Variants in NRROS observed in about 807,000 individuals in gnomAD.
The protein encoded by NRROS is transforming growth factor beta activator LRRC33.
NRROS carries 6 observed loss-of-function variants against 12.0 expected under a neutral mutation model. That is an observed-to-expected ratio of 0.50 (90% CI 0.27 to 0.98). The LOEUF is 0.98. NRROS is among the 50% of genes least tolerant of loss of function. The probability of loss-of-function intolerance (pLI) is 0.11; values close to 1 mark genes in which losing one functional copy is unlikely to be tolerated. For synonymous variants in NRROS, 462 were observed against 410.2 expected (o/e 1.13, Z -1.53); for missense variants, 857 against 888.2 (o/e 0.96, Z 0.45).
chr3:196,654,676 G>C lies in NRROS; in HGVS notation c.108+29G>C. ...AGTTTCCCTTGAACCCTGATCTGTC[G>C]GCTGCTCCTGTCCTGACAAGGCTTG... On this transcript the variant is annotated intron_variant, in intron 2 of 2. Transcript: ENST00000328557. This position sits in a 1 kb window ranked among gnomAD's most constrained non-coding sequence, Gnocchi z 4.4. 1 of 1,364,766 alleles carries C rather than the reference G, an allele frequency of 7.3e-7. No homozygotes were observed. Among genetic ancestry groups the C allele is most frequent in the South Asian group, 1.2e-5 (1 of 83,086 alleles). 84.5% of individuals were successfully genotyped at this position (1,364,766 alleles called of 1,614,324 possible).
At position 196,661,240 on chromosome 3, in the gene NRROS, T is replaced by G. The variant is rs370662832; in HGVS notation, c.1597T>G (p.Ser533Ala). The G allele has an allele frequency of 3.7e-6, 6 of 1,614,016 alleles. No individual in the cohort carries two copies. The highest frequency in any genetic ancestry group is 4.2e-6 in the Non-Finnish European group (5 of 1,179,978). The change falls in exon 3 of 3, where the codon TCT (serine) becomes GCT (alanine). Residue 533 changes from serine to alanine, a missense_variant. Physicochemically the swap from Ser to Ala is moderately conservative, Grantham distance 99. Coordinates refer to ENST00000328557, the MANE Select transcript of NRROS (RefSeq NM_198565.3). ...CTCCAGCTTTATGGCGTTGGACTTC[T>G]CTGGGTTTGGGAATCTCAGGGACTT... ...LHSSFMALDF[S>A]GFGNLRDLDL...
intron 1 of NRROS, among the ~76,000 whole-genome samples, chr3:196,642,553 A>G (rs1490180178): frequency 1.3e-5 from 2 of 152,180 alleles, no homozygotes; most frequent in Non-Finnish European, 2.9e-5. Context: ...CATGAGTTCT[A>G]GCAACTGCCC....
intron 2 of NRROS, among the ~76,000 whole-genome samples, chr3:196,656,739 G>T (rs1737543423): frequency 6.6e-6 from 1 of 152,110 alleles, no homozygotes; most frequent in African/African-American, 2.4e-5. Flanking sequence ...CAGAGTTCAG[G>T]CAAGGCCCTC....
intron 2 of NRROS, among the ~76,000 whole-genome samples, chr3:196,655,225 A>G (rs1221241056): frequency 1.4e-5 from 2 of 143,640 alleles, no homozygotes; most frequent in Admixed American, 1.4e-4. Flanking sequence ...ATGGGGCCAG[A>G]CCTTGTCTTT....
At position 196,642,797 on chromosome 3, in the gene NRROS, C is replaced by T. The variant is rs377755375; in HGVS notation, c.-14+2922C>T. 7.9e-5 allele frequency among the ~76,000 whole-genome samples: 12 copies of T among 152,212 alleles called. No individual in the cohort carries two copies. In the East Asian group the frequency reaches 1.5e-3, roughly 20 times the overall value. ...GTTAAGATGGTCACTTTCGGCCGGG[C>T]GCGGTGGCTCATCCCTGTAATCCCA... is the stretch of plus-strand genomic sequence containing the variant. On this transcript the variant is annotated intron_variant, in intron 1 of 2. Transcript: ENST00000328557.
Position 196,654,748 on chromosome 3 carries a change from TGAA to T in NRROS, c.108+103_108+105del. 1.4e-6 allele frequency: 1 copy of T among 710,032 alleles called. No individual in the cohort carries two copies. The highest frequency in any genetic ancestry group is 2.4e-6 in the Non-Finnish European group (1 of 417,038). 44.0% of individuals were successfully genotyped at this position (710,032 alleles called of 1,614,324 possible). A position where few individuals can be genotyped will look rare whatever the true frequency, so the allele number is the denominator to read the frequency against. On this transcript the variant is annotated intron_variant, in intron 2 of 2. Coordinates refer to ENST00000328557, the MANE Select transcript of NRROS (RefSeq NM_198565.3). The surrounding 1 kb of genome is among the most constrained non-coding windows in gnomAD (Gnocchi z 4.4). ...ATTGTCCATCAGGAAGGGCAGAGAA[TGAA>T]GGAGCCTGCATCACTCTGTGCCTGC...
chr3:196,640,167 G>A (rs1737181436), intron 1 of NRROS, among the ~76,000 whole-genome samples: 1 of 152,242 alleles, frequency 6.6e-6, no homozygotes, highest in Admixed American at 6.5e-5. Flanking sequence ...GTGGGTTTGA[G>A]TCCTGGCTCT....
At position 196,654,490 on chromosome 3, in the gene NRROS, T is replaced by C; in HGVS notation, c.-13-37T>C. 1 of 1,240,278 alleles carries C rather than the reference T, an allele frequency of 8.1e-7. No individual in the cohort carries two copies. The highest frequency in any genetic ancestry group is 1.7e-5 in the Admixed American group (1 of 59,546). 76.8% of individuals were successfully genotyped at this position (1,240,278 alleles called of 1,614,324 possible). A position where few individuals can be genotyped will look rare whatever the true frequency, so the allele number is the denominator to read the frequency against. ...ATACAAACAGCCCTCTGGGATGTCC[T>C]TCTCTGACTTACCTCTTCCCTGCTC... On this transcript the variant is annotated intron_variant, in intron 1 of 2. Coordinates refer to ENST00000328557, the MANE Select transcript of NRROS (RefSeq NM_198565.3). This position sits in a 1 kb window ranked among gnomAD's most constrained non-coding sequence, Gnocchi z 4.4.
chr3:196,659,868 C>T lies in NRROS; in HGVS notation c.225C>T (p.His75=). The T allele has an allele frequency of 6.2e-7, 1 of 1,614,146 alleles. No individual in the cohort carries two copies. Among genetic ancestry groups the T allele is most frequent in the Non-Finnish European group, 8.5e-7 (1 of 1,180,006 alleles). ...DANPLKTLWN[H]SLQPYPLLES... is the part of the protein sequence containing the mutation. ...ACCCTCTCAAGACCCTGTGGAATCA[C>T]TCCCTCCAGCCTTACCCTCTCCTGG... The change falls in exon 3 of 3, where the codon CAC becomes CAT. Residue 75 remains histidine, a synonymous_variant. Transcript: ENST00000328557.
At chr3:196,643,284 T>A (rs1737244156) in intron 1 of NRROS, among the ~76,000 whole-genome samples, 1 of 152,152 alleles carries the variant, frequency 6.6e-6, no homozygotes, top group African/African-American at 2.4e-5. Context: ...CAAGCCAATG[T>A]GTCTTTTCTC....
At chr3:196,645,942 C>G (rs886356810) in intron 1 of NRROS, among the ~76,000 whole-genome samples, 2 of 152,240 alleles carry the variant, frequency 1.3e-5, no homozygotes, top group South Asian at 2.1e-4. Flanking sequence ...ACTCTGCTTT[C>G]CCTTTGATTA....
At chr3:196,659,684 T>C in intron 2 of NRROS, 68 bp from the exon 3 acceptor site, 2 of 1,484,696 alleles carry the variant, frequency 1.3e-6, no homozygotes, top group Admixed American at 4.3e-5. Context: ...ATAAGTGAAC[T>C]AAGTTTCTAT....
Position 196,641,025 on chromosome 3 carries a change from G to A in NRROS, c.-14+1150G>A, listed in dbSNP as rs551909123. On this transcript the variant is annotated intron_variant, in intron 1 of 2. Coordinates refer to ENST00000328557, the MANE Select transcript of NRROS (RefSeq NM_198565.3). ...TTGCTGGGCTTTACATTTACAATAC[G>A]TATTTATTCTCCTCACACACCTCTT... is the stretch of plus-strand genomic sequence containing the variant. Among the ~76,000 whole-genome samples, 305 of 152,020 alleles carry A rather than the reference G, an allele frequency of 2.0e-3. 1 individual carries two copies. The highest frequency in any genetic ancestry group is 3.8e-3 in the Non-Finnish European group (256 of 68,026).
intron 1 of NRROS, among the ~76,000 whole-genome samples, chr3:196,650,680 A>G (rs1406484126): frequency 3.9e-5 from 6 of 152,184 alleles, no homozygotes; most frequent in African/African-American, 7.2e-5. Flanking sequence ...TACAACCTCC[A>G]TTCATGTTGT....
At position 196,660,195 on chromosome 3, in the gene NRROS, G is replaced by A. The variant is rs779696521; in HGVS notation, c.552G>A (p.Arg184=). The change falls in exon 3 of 3, where the codon CGG becomes CGA. Residue 184 remains arginine, a synonymous_variant. Transcript: ENST00000328557. The surrounding 1 kb of genome is among the most constrained non-coding windows in gnomAD (Gnocchi z 7.7). ...TCTTCGAGGGCCTGGAGCGTCTCCG[G>A]GAGCTGGATCTGCAGAGGAACTACA... ...DSVFEGLERL[R]ELDLQRNYIF... is the part of the protein sequence containing the mutation. 3.1e-6 allele frequency: 5 copies of A among 1,613,248 alleles called. No homozygotes were observed. In the South Asian group the frequency reaches 4.4e-5, roughly 14 times the overall value.
At chr3:196,658,738 A>G (rs955868725) in intron 2 of NRROS, among the ~76,000 whole-genome samples, 2 of 152,170 alleles carry the variant, frequency 1.3e-5, no homozygotes, top group South Asian at 2.1e-4. Flanking sequence ...AGGCCGAGGC[A>G]GGCAGATCAC....
At chr3:196,652,080 A>G (rs1178173490) in intron 1 of NRROS, among the ~76,000 whole-genome samples, 1 of 152,196 alleles carries the variant, frequency 6.6e-6, no homozygotes, top group African/African-American at 2.4e-5. Context: ...AGCTCTGGGG[A>G]CAAACCGCTG....
intron 1 of NRROS, among the ~76,000 whole-genome samples, chr3:196,648,632 G>A (rs1484504978): frequency 5.3e-5 from 8 of 151,876 alleles, no homozygotes; most frequent in South Asian, 2.1e-4. Context: ...CAGGCATGCT[G>A]GTGCATGCCT....
At chr3:196,650,821 A>G (rs569787870) in intron 1 of NRROS, among the ~76,000 whole-genome samples, 30 of 152,358 alleles carry the variant, frequency 2.0e-4, no homozygotes, top group African/African-American at 6.5e-4. Flanking sequence ...GTAGACTCAC[A>G]GCATTCCATG....
Sources: allele counts gnomAD v4.1 joint callset (sites outside exome capture counted in the v4.1 genomes callset), GRCh38; gene constraint gnomAD v4.1.1; non-coding constraint Gnocchi (gnomAD v3.1); transcripts MANE v1.5; gene names NCBI Gene and HGNC (gene_info 2026-07-23, HGNC 2026-07-21).